Variants in FARP2 observed in about 807,000 individuals in gnomAD.
The protein encoded by FARP2 is FERM, ARH/RhoGEF and pleckstrin domain protein 2.
In FARP2, 111 loss-of-function variants were observed where a neutral mutation model predicts 130.5. The ratio of observed to expected loss-of-function variants is 0.85; its 90% CI spans 0.73 to 1.00. The LOEUF is 1.00. FARP2 is among the 50% of genes least tolerant of loss of function. The pLI, the probability that FARP2 is intolerant of heterozygous loss-of-function variation, is 0.00. For synonymous variants in FARP2, 504 were observed against 516.9 expected (o/e 0.98, Z 0.34); for missense variants, 1,385 against 1,346.3 (o/e 1.03, Z -0.45).
In FARP2 at chr2:241,373,134, A is replaced by G. The variant is rs747270534; in HGVS notation, c.27A>G (p.Arg9=). 2 of 1,454,070 alleles carry G rather than the reference A, an allele frequency of 1.4e-6. No homozygotes were observed. The highest frequency in any genetic ancestry group is 2.9e-5 in the South Asian group (2 of 69,254). The allele number at this position is 1,454,070 out of a possible 1,614,324, so 90.1% of individuals were successfully genotyped here. The change falls in exon 2 of 27, where the codon AGA becomes AGG. Residue 9 remains arginine (R), a synonymous_variant. Coordinates refer to ENST00000264042, the MANE Select transcript of FARP2 (RefSeq NM_014808.4). MGEIEGTY[R]VLQTAGMRLG... ...TGGGGGAGATAGAAGGAACATACAG[A>G]GTCCTGCAGACTGCAGGGATGCGCT...
chr2:241,424,148 A>G (rs913998504), intron 8 of FARP2, among the ~76,000 whole-genome samples: 1 of 152,212 alleles, frequency 6.6e-6, no homozygotes, highest in Non-Finnish European at 1.5e-5. Context: ...CCCAAAAACA[A>G]AAGAATATAA....
intron 8 of FARP2, among the ~76,000 whole-genome samples, chr2:241,421,557 G>C (rs532865631): frequency 2.0e-5 from 3 of 152,170 alleles, no homozygotes; most frequent in Non-Finnish European, 4.4e-5. Context: ...TGCTGGCTTT[G>C]GAGTCTGGAT....
intron 8 of FARP2, among the ~76,000 whole-genome samples, chr2:241,421,655 C>T (rs746544406): frequency 1.3e-5 from 2 of 152,224 alleles, no homozygotes; most frequent in Non-Finnish European, 2.9e-5. Context: ...CCTGTTCCTC[C>T]TGACTGGGTG....
At position 241,483,746 on chromosome 2, in the gene FARP2, G is replaced by C. The variant is rs901911740; in HGVS notation, c.2331+213G>C. On this transcript the variant is annotated intron_variant, in intron 20 of 26. Coordinates refer to ENST00000264042, the MANE Select transcript of FARP2 (RefSeq NM_014808.4). ...AAAACAGCTTCCCCACCCACCCCAGGGCCAGCCTCCTTCTTCATTCCAGGT... is the reference window on the plus strand; with the variant it reads ...AAAACAGCTTCCCCACCCACCCCAGCGCCAGCCTCCTTCTTCATTCCAGGT... 4 of 965,954 alleles carry C rather than the reference G, an allele frequency of 4.1e-6. No homozygotes were observed. The Admixed American group carries it at 2.5e-4, about 59-fold the overall frequency. 59.8% of individuals were successfully genotyped at this position (965,954 alleles called of 1,614,324 possible).
intron 3 of FARP2, among the ~76,000 whole-genome samples, chr2:241,404,190 G>A (rs2062270543): frequency 6.6e-6 from 1 of 152,226 alleles, no homozygotes; most frequent in Non-Finnish European, 1.5e-5. Flanking sequence ...CATCCTGTAT[G>A]AAAATCATTT....
rs1490758643 is a variant in FARP2 at position 241,403,947 on chromosome 2, C to T, written c.288+15C>T. ...AGTCCTACTGGGTAAGTGCTTATGA[C>T]GTGCCCAGGCGTGGAGCCTTTGGGC... On this transcript the variant is annotated intron_variant, in intron 3 of 26. Coordinates refer to ENST00000264042, the MANE Select transcript of FARP2 (RefSeq NM_014808.4). The T allele has an allele frequency of 5.5e-6, 8 of 1,452,074 alleles. No homozygotes were observed. The highest frequency in any genetic ancestry group is 1.4e-5 in the African/African-American group (1 of 71,844). The allele number at this position is 1,452,074 out of a possible 1,614,324, so 89.9% of individuals were successfully genotyped here.
intron 2 of FARP2, among the ~76,000 whole-genome samples, chr2:241,393,426 C>T (rs1331843329): frequency 6.6e-6 from 1 of 152,038 alleles, no homozygotes; most frequent in Non-Finnish European, 1.5e-5. Context: ...AGTGAAATGC[C>T]TATCAAAAAT....
intron 7 of FARP2, 145 bp downstream of exon 7, chr2:241,413,566 C>T: frequency 1.6e-6 from 1 of 633,514 alleles, no homozygotes; most frequent in Non-Finnish European, 2.7e-6. Flanking sequence ...CAGCTGCTGC[C>T]AGAGGCAGCT....
intron 2 of FARP2, among the ~76,000 whole-genome samples, chr2:241,392,139 G>C (rs1237710824): frequency 2.0e-5 from 3 of 152,238 alleles, no homozygotes; most frequent in South Asian, 4.1e-4. Context: ...CCGGCTGGCA[G>C]GGAGGAAACT....
At chr2:241,466,222 G>T (rs968784018) in intron 17 of FARP2, 1 of 985,320 alleles carries the variant, frequency 1.0e-6, no homozygotes, top group Non-Finnish European at 1.2e-6. Flanking sequence ...CAGAGCCCGG[G>T]CCCCTGTCCC....
intron 18 of FARP2, among the ~76,000 whole-genome samples, chr2:241,470,472 G>A (rs888491944): frequency 6.6e-5 from 10 of 150,472 alleles, no homozygotes; most frequent in Non-Finnish European, 1.0e-4. Flanking sequence ...AGGGGACCCT[G>A]TTCTAAGAAC....
rs149912625 is a variant in FARP2, at chr2:241,451,482, C to T, written c.1412-5265C>T. On this transcript the variant is annotated intron_variant, in intron 13 of 26. Coordinates refer to ENST00000264042, the MANE Select transcript of FARP2 (RefSeq NM_014808.4). ...AAGTCTTGTCTATGGGTAAAGAAAT[C>T]AGTCCTTGAGGATATAGTGAGATAG... is the stretch of plus-strand genomic sequence containing the variant. 4.5e-4 allele frequency among the ~76,000 whole-genome samples: 68 copies of T among 152,234 alleles called. 1 individual carries two copies. The highest frequency in any genetic ancestry group is 7.4e-4 in the Non-Finnish European group (50 of 68,022).
At chr2:241,462,394 G>T in intron 14 of FARP2, 129 bp from the exon 15 acceptor site, 1 of 595,980 alleles carries the variant, frequency 1.7e-6, no homozygotes, top group South Asian at 2.3e-5. Context: ...TTCAGAAGTT[G>T]AAGGTGAAAA....
chr2:241,382,167 A>G (rs1211014710), intron 2 of FARP2, among the ~76,000 whole-genome samples: 1 of 152,186 alleles, frequency 6.6e-6, no homozygotes, highest in Non-Finnish European at 1.5e-5. Flanking sequence ...TTGGGACTGA[A>G]CTATGTGCAT....
At chr2:241,416,342 C>T (rs1345738773) in intron 7 of FARP2, among the ~76,000 whole-genome samples, 1 of 151,996 alleles carries the variant, frequency 6.6e-6, no homozygotes, top group Non-Finnish European at 1.5e-5. Context: ...CCGAATAAGC[C>T]CGGAAGCAGG....
chr2:241,357,737 G>A (rs984150015), intron 1 of FARP2, among the ~76,000 whole-genome samples: 2 of 152,130 alleles, frequency 1.3e-5, no homozygotes, highest in Non-Finnish European at 2.9e-5. Context: ...TGCTGATGAT[G>A]CAGTTTCCTG....
chr2:241,469,755 A>G (rs1215711800), intron 18 of FARP2, among the ~76,000 whole-genome samples: 2 of 152,254 alleles, frequency 1.3e-5, no homozygotes, highest in African/African-American at 4.8e-5. Context: ...AAGCCATGCC[A>G]TGGAGAAGAC....
At chr2:241,411,001 T>G in intron 5 of FARP2, 32 bp from the exon 6 acceptor site, 5 of 1,396,640 alleles carry the variant, frequency 3.6e-6, no homozygotes, top group Non-Finnish European at 5.0e-6. Flanking sequence ...CATTTGGAAT[T>G]GATCTCTGTC....
intron 5 of FARP2, among the ~76,000 whole-genome samples, chr2:241,408,718 TGTA>T (rs1397277609): frequency 6.6e-6 from 1 of 152,124 alleles, no homozygotes; most frequent in Non-Finnish European, 1.5e-5. Context: ...ACTATGATGT[TGTA>T]GTGGTATCAA....
Sources: allele counts gnomAD v4.1 joint callset (sites outside exome capture counted in the v4.1 genomes callset), GRCh38; gene constraint gnomAD v4.1.1; transcripts MANE v1.5; gene names NCBI Gene and HGNC (gene_info 2026-07-23, HGNC 2026-07-21).